Variants in CYP39A1 observed in about 807,000 individuals in gnomAD.
CYP39A1 encodes the protein 24-hydroxycholesterol 7-alpha-hydroxylase.
A neutral mutation model predicts 58.1 loss-of-function variants in CYP39A1; 49 were observed. That is an observed-to-expected ratio of 0.84 (90% CI 0.67 to 1.07). The LOEUF (loss-of-function observed/expected upper bound fraction) is 1.07, where lower values mean the gene tolerates loss of function less well. Ranked by LOEUF, CYP39A1 falls within the 50% of genes least tolerant of loss-of-function variation. The pLI is 0.00. For synonymous variants in CYP39A1, 209 were observed against 187.6 expected, an observed-to-expected ratio of 1.11 and a Z score of -0.93; for missense variants, 531 against 539.4, an observed-to-expected ratio of 0.98 and a Z score of 0.16.
intron 7 of CYP39A1, among the ~76,000 whole-genome samples, chr6:46,596,563 G>C (rs1773174926): frequency 6.6e-6 from 1 of 150,880 alleles, no homozygotes; most frequent in Non-Finnish European, 1.5e-5. Context: ...CTTTTGAATT[G>C]CTTTTTTTTT....
At chr6:46,625,375 A>G in intron 7 of CYP39A1, 43 bp downstream of exon 7, 1 of 1,354,594 alleles carries the variant, frequency 7.4e-7, no homozygotes, top group Non-Finnish European at 1.0e-6. Context: ...TGTGACAAAC[A>G]TGCATTATTA....
chr6:46,557,742 G>A (rs1257709889), intron 10 of CYP39A1, among the ~76,000 whole-genome samples: 1 of 150,872 alleles, frequency 6.6e-6, no homozygotes, highest in Non-Finnish European at 1.5e-5. Flanking sequence ...TTCAAGACCA[G>A]CCTGGCCAAG....
At chr6:46,638,070 A>G in intron 3 of CYP39A1, 92 bp from the exon 4 acceptor site, 1 of 1,282,532 alleles carries the variant, frequency 7.8e-7, no homozygotes, top group Non-Finnish European at 1.1e-6. Flanking sequence ...ATAGCAATAT[A>G]TGGGGAGCAG....
At chr6:46,605,827 C>G (rs1773812052) in intron 7 of CYP39A1, among the ~76,000 whole-genome samples, 1 of 152,212 alleles carries the variant, frequency 6.6e-6, no homozygotes, top group Admixed American at 6.5e-5. Flanking sequence ...CTAGATCTTA[C>G]TTTTCAAAAA....
chr6:46,586,499 G>A (rs1443276357), intron 10 of CYP39A1: 1 of 984,562 alleles, frequency 1.0e-6, no homozygotes, highest in East Asian at 1.1e-4. Context: ...TTTTCTGCTT[G>A]AACAAATAAA....
intron 7 of CYP39A1, among the ~76,000 whole-genome samples, chr6:46,622,055 C>A (rs1271904367): frequency 1.3e-5 from 2 of 151,906 alleles, no homozygotes; most frequent in African/African-American, 2.4e-5. Context: ...GTACACTAGA[C>A]GAAAGGAGCC....
At chr6:46,562,505 T>C (rs1771035252) in intron 10 of CYP39A1, among the ~76,000 whole-genome samples, 1 of 152,036 alleles carries the variant, frequency 6.6e-6, no homozygotes, top group South Asian at 2.1e-4. Flanking sequence ...TGGTGGCTCA[T>C]GCCTATAATC....
intron 8 of CYP39A1, among the ~76,000 whole-genome samples, chr6:46,593,565 G>A (rs1378928580): frequency 6.6e-6 from 1 of 151,934 alleles, no homozygotes; most frequent in Non-Finnish European, 1.5e-5. Flanking sequence ...TTTACATAAG[G>A]TCAGTTAAAT....
chr6:46,629,533 A>G (rs1266298956), intron 6 of CYP39A1, among the ~76,000 whole-genome samples: 1 of 152,200 alleles, frequency 6.6e-6, no homozygotes, highest in East Asian at 1.9e-4. Flanking sequence ...CCACTGGCTA[A>G]CATACCTTTG....
rs568071288 is a variant in CYP39A1, at chr6:46,652,225, A to C, written c.177+181T>G. On this transcript the variant is annotated intron_variant, in intron 1 of 11. Transcript: ENST00000275016. The stretch of plus-strand genomic sequence containing the variant: ...AATTGTATTTCATTTCTTTCGCAAA[A>C]TTTTGCACAGGATATTGTTGTTAAT... Among the ~76,000 whole-genome samples the C allele has an allele frequency of 3.9e-5, 6 of 152,318 alleles. No homozygotes were observed. The East Asian group carries it at 1.2e-3, about 29-fold the overall frequency.
At chr6:46,621,926 T>G (rs1774980119) in intron 7 of CYP39A1, among the ~76,000 whole-genome samples, 1 of 152,122 alleles carries the variant, frequency 6.6e-6, no homozygotes, top group Non-Finnish European at 1.5e-5. Context: ...ACTAGCAAAC[T>G]GAATCTAGCA....
intron 7 of CYP39A1, among the ~76,000 whole-genome samples, chr6:46,612,518 G>A (rs997821657): frequency 6.6e-6 from 1 of 152,140 alleles, no homozygotes; most frequent in Non-Finnish European, 1.5e-5. Context: ...TAAATGAGAA[G>A]TAGTTTGTAA....
intron 10 of CYP39A1, among the ~76,000 whole-genome samples, chr6:46,579,239 C>G (rs559050570): frequency 6.6e-6 from 1 of 151,988 alleles, no homozygotes; most frequent in African/African-American, 2.4e-5. Context: ...ATCTCATAAA[C>G]TAAACTAAAA....
At position 46,550,311 on chromosome 6, in the gene CYP39A1, G is replaced by A. The variant is rs754174179; in HGVS notation, c.*55C>T. ...AGAGCTCAGGTCTAGGTGCTGCCAGGTGGGGTAGTGCCACTCCTCCAGAAG... is the reference window on the plus strand; with the variant it reads ...AGAGCTCAGGTCTAGGTGCTGCCAGATGGGGTAGTGCCACTCCTCCAGAAG... On this transcript the variant is annotated 3_prime_UTR_variant, in exon 12 of 12. Transcript: ENST00000275016. 6.9e-7 allele frequency: 1 copy of A among 1,448,384 alleles called. No homozygotes were observed. Among genetic ancestry groups the A allele is most frequent in the Middle Eastern group, 1.8e-4 (1 of 5,588 alleles). 89.7% of individuals were successfully genotyped at this position (1,448,384 alleles called of 1,614,324 possible).
At position 46,652,435 on chromosome 6, in the gene CYP39A1, G is replaced by A; in HGVS notation, c.148C>T (p.Leu50=). The change falls in exon 1 of 12, where the codon CTA becomes TTA. Residue 50 remains leucine, a synonymous_variant. Transcript: ENST00000275016. ...ATTCTTGCTTTCTCTATAAATTCTA[G>A]AGGGGCTTTCCCAAACTCAAATCCA... The part of the protein sequence containing the change: ...GVGFEFGKAP[L]EFIEKARIKY... 1 of 1,613,566 alleles carries A rather than the reference G, an allele frequency of 6.2e-7. No individual in the cohort carries two copies. The highest frequency in any genetic ancestry group is 8.5e-7 in the Non-Finnish European group (1 of 1,179,830).
In CYP39A1 at chr6:46,605,223, C is replaced by A. The variant is rs1396086035; in HGVS notation, c.932-9103G>T. On this transcript the variant is annotated intron_variant, in intron 7 of 11. Transcript: ENST00000275016. ...GAAGATGAAGTCCTATGTTAGAACC[C>A]CTGAATGTCCATGGTGAGACAAAGG... Among the ~76,000 whole-genome samples, 4 of 152,210 alleles carry A rather than the reference C, an allele frequency of 2.6e-5. No individual in the cohort carries two copies. In the East Asian group the frequency reaches 7.7e-4, roughly 29 times the overall value.
chr6:46,571,390 A>G lies in CYP39A1; in HGVS notation c.1250+15687T>C, dbSNP rs1401878162. The stretch of plus-strand genomic sequence containing the variant: ...TCAGTTCTGTTAATATTTGCTTTGT[A>G]TATTCAGGTGCTCTGATGTTGGGTA... On this transcript the variant is annotated intron_variant, in intron 10 of 11. Coordinates refer to ENST00000275016, the MANE Select transcript of CYP39A1 (RefSeq NM_016593.5). 2.0e-5 allele frequency among the ~76,000 whole-genome samples: 3 copies of G among 152,202 alleles called. No individual in the cohort carries two copies. In the East Asian group the frequency reaches 5.8e-4, roughly 29 times the overall value.
At chr6:46,573,268 C>A (rs972380696) in intron 10 of CYP39A1, among the ~76,000 whole-genome samples, 1 of 152,028 alleles carries the variant, frequency 6.6e-6, no homozygotes, top group African/African-American at 2.4e-5. Flanking sequence ...AGGTAGCAGT[C>A]ATCTCTTCAA....
At chr6:46,646,100 A>G (rs1762304377) in intron 1 of CYP39A1, among the ~76,000 whole-genome samples, 1 of 152,054 alleles carries the variant, frequency 6.6e-6, no homozygotes, top group African/African-American at 2.4e-5. Flanking sequence ...GAATCCATAT[A>G]TATTTTCTTT....
Sources: allele counts gnomAD v4.1 joint callset (sites outside exome capture counted in the v4.1 genomes callset), GRCh38; gene constraint gnomAD v4.1.1; transcripts MANE v1.5; gene names NCBI Gene and HGNC (gene_info 2026-07-23, HGNC 2026-07-21).